The following TARS3 variants were observed in gnomAD, a reference collection of about 807,000 sequenced individuals.
TARS3 encodes threonine--tRNA ligase 2, cytoplasmic.
Under a neutral mutation model 103.5 loss-of-function variants are expected in TARS3, and 94 were observed. That is an observed-to-expected ratio of 0.91 (90% confidence interval 0.77 to 1.08). TARS3 has a LOEUF of 1.08. Among genes scored for constraint, TARS3 ranks in the 50% least tolerant of loss-of-function variants. The probability of loss-of-function intolerance (pLI) is 0.00; values close to 1 mark genes in which losing one functional copy is unlikely to be tolerated. For missense variants in TARS3, 952 were observed against 995.2 expected (o/e 0.96, Z 0.58); for synonymous variants, 416 against 355.4 (o/e 1.17, Z -1.92).
chr15:101,721,251 G>T lies in TARS3; in HGVS notation c.441C>A (p.Leu147=). The change falls in exon 3 of 19, where the codon CTC becomes CTA. Residue 147 remains leucine (L), a synonymous_variant. Coordinates refer to ENST00000335968, the MANE Select transcript of TARS3 (RefSeq NM_152334.3). ...LFEILKKDHQ[L]LLAIYGKKGD... ...CCTTTTTTCCATAAATGGCAAGTAA[G>T]AGCTGATGGTCTTTCTTCAGTATTT... 1 of 1,614,010 alleles carries T rather than the reference G, an allele frequency of 6.2e-7. No homozygotes were observed. Among genetic ancestry groups the T allele is most frequent in the South Asian group, 1.1e-5 (1 of 91,076 alleles).
At chr15:101,683,068 C>T (rs546188873) in intron 12 of TARS3, among the ~76,000 whole-genome samples, 32 of 152,100 alleles carry the variant, frequency 2.1e-4, no homozygotes, top group Admixed American at 7.2e-4. Flanking sequence ...CTCAGAGAAC[C>T]AGCTTTTGTT....
chr15:101,693,673 G>T (rs1432629374), intron 10 of TARS3, among the ~76,000 whole-genome samples: 1 of 152,166 alleles, frequency 6.6e-6, no homozygotes, highest in Non-Finnish European at 1.5e-5. Flanking sequence ...CTGCAGGATG[G>T]ATCTGAAGCA....
chr15:101,722,642 T>TTAA (rs774095525), intron 2 of TARS3, among the ~76,000 whole-genome samples: 2 of 58,752 alleles, frequency 3.4e-5, no homozygotes, highest in East Asian at 1.0e-3. Flanking sequence ...CCATCTCTAC[T>TTAA]AAAAAAAAAA....
chr15:101,702,425 T>G, intron 8 of TARS3, 40 bp from the exon 9 acceptor site: 2 of 1,556,106 alleles, frequency 1.3e-6, no homozygotes, highest in Non-Finnish European at 1.8e-6. Context: ...TATCATACAT[T>G]CAGTTGTAAG....
intron 10 of TARS3, among the ~76,000 whole-genome samples, chr15:101,689,305 G>C (rs1898607463): frequency 6.6e-6 from 1 of 152,114 alleles, no homozygotes; most frequent in Non-Finnish European, 1.5e-5. Context: ...ACCCCACAAA[G>C]AGCATTACTA....
At chr15:101,678,005 T>A (rs1291458266) in intron 12 of TARS3, among the ~76,000 whole-genome samples, 1 of 146,544 alleles carries the variant, frequency 6.8e-6, no homozygotes, top group Non-Finnish European at 1.5e-5. Context: ...TTTTTTGAGA[T>A]GGAGTATCAC....
chr15:101,711,457 G>A (rs769682119), intron 5 of TARS3, among the ~76,000 whole-genome samples: 3 of 152,050 alleles, frequency 2.0e-5, no homozygotes, highest in African/African-American at 7.2e-5. Context: ...TCTGCCACCC[G>A]GAGACAGCAA....
chr15:101,710,529 G>T (rs1195124885), intron 5 of TARS3, among the ~76,000 whole-genome samples: 1 of 152,166 alleles, frequency 6.6e-6, no homozygotes, highest in Non-Finnish European at 1.5e-5. Flanking sequence ...TGTCAGAATT[G>T]AGTTCAATCA....
chr15:101,698,705 G>C (rs115765622), intron 10 of TARS3, among the ~76,000 whole-genome samples: 2 of 152,352 alleles, frequency 1.3e-5, no homozygotes, highest in African/African-American at 4.8e-5. Flanking sequence ...TTAAACTGTA[G>C]AGGAAATGTA....
rs556535153 is a variant in TARS3 at position 101,700,861 on chromosome 15, C to T, written c.1320+225G>A. On this transcript the variant is annotated intron_variant, in intron 10 of 18. Coordinates refer to ENST00000335968, the MANE Select transcript of TARS3 (RefSeq NM_152334.3). The stretch of plus-strand genomic sequence containing the variant: ...TTCACCATGTTGGCCAGGCTGGTCT[C>T]GAACTCCTGACCTCAGGTGATCTGC... 1.1e-4 allele frequency among the ~76,000 whole-genome samples: 17 copies of T among 152,142 alleles called. No homozygotes were observed. In the East Asian group the frequency reaches 2.5e-3, roughly 22 times the overall value.
At chr15:101,661,669 AAAG>A (rs1897382963) in intron 16 of TARS3, 40 bp downstream of exon 16, 1 of 1,171,162 alleles carries the variant, frequency 8.5e-7, no homozygotes, top group Non-Finnish European at 1.2e-6. Context: ...TAAAAATTAA[AAAG>A]AATAATAGAC....
chr15:101,674,956 G>A (rs1897962809), intron 13 of TARS3, among the ~76,000 whole-genome samples: 1 of 152,136 alleles, frequency 6.6e-6, no homozygotes, highest in Non-Finnish European at 1.5e-5. Flanking sequence ...ATGGATAAGT[G>A]GGGACTATTA....
At chr15:101,681,525 A>T (rs552677472) in intron 12 of TARS3, among the ~76,000 whole-genome samples, 6 of 152,366 alleles carry the variant, frequency 3.9e-5, no homozygotes, top group African/African-American at 1.4e-4. Context: ...CAGAACAAAA[A>T]TCCATAGGCT....
intron 7 of TARS3, 71 bp downstream of exon 7, chr15:101,705,612 C>G (rs560353740): frequency 3.7e-6 from 5 of 1,334,258 alleles, no homozygotes; most frequent in Non-Finnish European, 4.2e-6. Flanking sequence ...AACCAGAAAA[C>G]AAACTCGGCC....
Position 101,683,761 on chromosome 15 carries a change from A to T in TARS3, c.1650+314T>A, listed in dbSNP as rs1898349529. ...CATGGCAATTTTAACTTGAATTAAC[A>T]CAAAAACTTGAAAAAGTAAATTTTA... On this transcript the variant is annotated intron_variant, in intron 12 of 18. Transcript: ENST00000335968. Among the ~76,000 whole-genome samples the T allele has an allele frequency of 2.6e-5, 4 of 152,266 alleles. 1 individual carries two copies. The South Asian group carries it at 8.3e-4, about 31-fold the overall frequency.
intron 2 of TARS3, among the ~76,000 whole-genome samples, chr15:101,722,273 C>A (rs1323143952): frequency 6.6e-6 from 1 of 151,366 alleles, no homozygotes; most frequent in Non-Finnish European, 1.5e-5. Flanking sequence ...ATGACACCTC[C>A]CTTTTCTACT....
chr15:101,722,989 T>C, intron 2 of TARS3, 104 bp downstream of exon 2: 2 of 1,096,358 alleles, frequency 1.8e-6, no homozygotes, highest in Non-Finnish European at 2.7e-6. Flanking sequence ...ACCCAAATAA[T>C]AATTTAATCA....
chr15:101,716,919 C>T (rs146809446), intron 3 of TARS3, among the ~76,000 whole-genome samples: 6 of 144,834 alleles, frequency 4.1e-5, no homozygotes, highest in African/African-American at 1.5e-4. Context: ...TGCAAAGGTG[C>T]AATGTCGGCT....
At chr15:101,660,163 G>A (rs538681373) in intron 16 of TARS3, among the ~76,000 whole-genome samples, 1 of 152,326 alleles carries the variant, frequency 6.6e-6, no homozygotes, top group African/African-American at 2.4e-5. Context: ...TGTCCACAGT[G>A]GGAGCTGCAG....
Sources: gnomAD v4.1 joint callset for allele counts (sites outside exome capture counted in the v4.1 genomes callset) on GRCh38, gnomAD v4.1.1 for gene constraint, MANE v1.5 for transcripts, NCBI Gene and HGNC (gene_info 2026-07-23, HGNC 2026-07-21) for gene names.